The following ARMH1 variants were observed in gnomAD, a reference collection of about 807,000 sequenced individuals.
ARMH1 encodes the protein armadillo-like helical domain containing protein 1.
A neutral mutation model predicts 50.2 loss-of-function variants in ARMH1; 34 were observed. That is an observed-to-expected ratio of 0.68 (90% CI 0.51 to 0.90). ARMH1 has a LOEUF of 0.90. Ranked by LOEUF, ARMH1 falls within the 40% of genes least tolerant of loss-of-function variation. The pLI is 0.00. For synonymous variants in ARMH1, 221 were observed against 224.2 expected (o/e 0.99, Z 0.13); for missense variants, 538 against 553.9 (o/e 0.97, Z 0.29).
Position 44,724,191 on chromosome 1 carries a change from T to C in ARMH1, c.794T>C (p.Leu265Pro). ...RQALLKGLVALLIPSVKEISK... is the reference protein window; with the variant it reads ...RQALLKGLVAPLIPSVKEISK... ...GCGCTGCTCAAGGGCCTCGTGGCGCTGCTGATACCGTCGGTCAAGGAGATC... is the reference window on the plus strand; with the variant it reads ...GCGCTGCTCAAGGGCCTCGTGGCGCCGCTGATACCGTCGGTCAAGGAGATC... Residue 265 changes from leucine (L) to proline (P), a missense_variant, in exon 7 of 12, where the codon CTG (leucine) becomes CCG (proline). Leu to Pro is a moderately conservative substitution (Grantham distance 98). Transcript: ENST00000535358. The surrounding 1 kb of genome is among the most constrained non-coding windows in gnomAD (Gnocchi z 6.4). 1 of 1,551,740 alleles carries C rather than the reference T, an allele frequency of 6.4e-7. No individual in the cohort carries two copies. The highest frequency in any genetic ancestry group is 1.2e-5 in the South Asian group (1 of 84,064).
Position 44,724,585 on chromosome 1 carries a change from C to G in ARMH1, c.967C>G (p.Leu323Val). 1 of 1,518,634 alleles carries G rather than the reference C, an allele frequency of 6.6e-7. No individual in the cohort carries two copies. 94.1% of individuals were successfully genotyped at this position (1,518,634 alleles called of 1,614,324 possible). A position where few individuals can be genotyped will look rare whatever the true frequency, so the allele number is the denominator to read the frequency against. Residue 323 changes from leucine to valine, a missense_variant, in exon 9 of 12, where the codon CTG (leucine) becomes GTG (valine). Leu to Val is a conservative substitution (Grantham distance 32). Coordinates refer to ENST00000535358, the MANE Select transcript of ARMH1 (RefSeq NM_001145636.2). This position sits in a 1 kb window ranked among gnomAD's most constrained non-coding sequence, Gnocchi z 6.4. Reference sequence around the variant, plus strand: ...GAGCATCGCCGAGGAGCTGCTGTACCTGCGCGTGGTGCGTGGCCTAATGGC... The same window carrying G: ...GAGCATCGCCGAGGAGCTGCTGTACGTGCGCGTGGTGCGTGGCCTAATGGC... ...DMSIAEELLY[L>V]RVVRGLMAAM...
At chr1:44,721,493 T>C (rs1253133154) in intron 6 of ARMH1, among the ~76,000 whole-genome samples, 1 of 151,574 alleles carries the variant, frequency 6.6e-6, no homozygotes, top group Non-Finnish European at 1.5e-5. Flanking sequence ...ATACAGACTG[T>C]CAAAAACTAG....
intron 1 of ARMH1, among the ~76,000 whole-genome samples, chr1:44,678,845 T>C (rs1363542237): frequency 1.3e-5 from 2 of 152,194 alleles, no homozygotes; most frequent in African/African-American, 4.8e-5. Context: ...CAAGACCTAT[T>C]GACCTCTTGA....
chr1:44,697,019 G>A (rs952324696), intron 2 of ARMH1, 83 bp from the exon 3 acceptor site: 17 of 1,032,838 alleles, frequency 1.6e-5, no homozygotes, highest in African/African-American at 4.8e-5. Context: ...CCCTGGGCCC[G>A]GGGTGGTACC....
intron 6 of ARMH1, among the ~76,000 whole-genome samples, chr1:44,708,294 G>A (rs1573420306): frequency 6.6e-6 from 1 of 152,350 alleles, no homozygotes; most frequent in East Asian, 1.9e-4. Flanking sequence ...CTAGGATGCT[G>A]GCAGCAGTCA....
chr1:44,685,784 C>T (rs1264929617), intron 1 of ARMH1, among the ~76,000 whole-genome samples: 3 of 152,136 alleles, frequency 2.0e-5, no homozygotes, highest in South Asian at 2.1e-4. Flanking sequence ...CGCGCCACCA[C>T]GCCCAGCTAA....
At chr1:44,723,549 T>A (rs1573522744) in intron 6 of ARMH1, among the ~76,000 whole-genome samples, 1 of 152,276 alleles carries the variant, frequency 6.6e-6, no homozygotes, top group East Asian at 1.9e-4. Context: ...GTGGTTTACC[T>A]CTCTGTGTCT....
In ARMH1 at chr1:44,716,101, G is replaced by T. The variant is rs1323584480; in HGVS notation, c.725-8021G>T. On this transcript the variant is annotated intron_variant, in intron 6 of 11. Coordinates refer to ENST00000535358, the MANE Select transcript of ARMH1 (RefSeq NM_001145636.2). ...CTATGGCTCTAGAAACTGCTTCTCG[G>T]TCTTTTATACATTCCCATTCCTCTA... 2.6e-5 allele frequency among the ~76,000 whole-genome samples: 4 copies of T among 151,798 alleles called. No homozygotes were observed. The South Asian group carries it at 8.3e-4, about 31-fold the overall frequency.
At chr1:44,721,588 G>A (rs959712620) in intron 6 of ARMH1, among the ~76,000 whole-genome samples, 2 of 152,026 alleles carry the variant, frequency 1.3e-5, no homozygotes, top group African/African-American at 2.4e-5. Flanking sequence ...AGTAGGCCGG[G>A]CACTACAAAA....
rs868752998 is a variant in ARMH1, at chr1:44,725,273, C to T, written c.1211-18C>T. 16 of 1,551,670 alleles carry T rather than the reference C, an allele frequency of 1.0e-5. No homozygotes were observed. The Middle Eastern group carries it at 6.7e-4, about 65-fold the overall frequency. The stretch of plus-strand genomic sequence containing the variant: ...GGCGCCGCCAGCACAGCCTCACGCC[C>T]GCCTTTCCTGCCTGCAGCCCTGTGC... On this transcript the variant is annotated intron_variant, in intron 11 of 11. Coordinates refer to ENST00000535358, the MANE Select transcript of ARMH1 (RefSeq NM_001145636.2).
chr1:44,720,123 T>C (rs1238996728), intron 6 of ARMH1, among the ~76,000 whole-genome samples: 1 of 145,576 alleles, frequency 6.9e-6, no homozygotes, highest in Non-Finnish European at 1.5e-5. Context: ...CTTGAATCCA[T>C]GAGGCAGAGG....
At chr1:44,697,318 C>T (rs985800186) in intron 3 of ARMH1, 148 bp downstream of exon 3, 3 of 647,486 alleles carry the variant, frequency 4.6e-6, no homozygotes, top group South Asian at 1.9e-5. Flanking sequence ...TAATGTCCAC[C>T]GGGCTCCTGC....
intron 6 of ARMH1, among the ~76,000 whole-genome samples, chr1:44,720,567 G>C (rs949743794): frequency 6.6e-6 from 1 of 152,226 alleles, no homozygotes; most frequent in South Asian, 2.1e-4. Flanking sequence ...AGACCATTTA[G>C]TGGATAGTAC....
chr1:44,711,597 G>C (rs1646617630), intron 6 of ARMH1, among the ~76,000 whole-genome samples: 1 of 152,054 alleles, frequency 6.6e-6, no homozygotes. Flanking sequence ...CCATTCTGTA[G>C]GTTCTTTTCA....
chr1:44,685,132 GC>G (rs1344350042), intron 1 of ARMH1, among the ~76,000 whole-genome samples: 2 of 152,028 alleles, frequency 1.3e-5, no homozygotes, highest in East Asian at 3.9e-4. Context: ...GATTTAAAGA[GC>G]CCACCAAGGG....
At chr1:44,697,563 C>T (rs1326081150) in intron 3 of ARMH1, among the ~76,000 whole-genome samples, 1 of 152,184 alleles carries the variant, frequency 6.6e-6, no homozygotes, top group Non-Finnish European at 1.5e-5. Context: ...CCATTTCTGT[C>T]TCTTCTCCTC....
chr1:44,722,903 CAAAAAAA>C (rs71036693), intron 6 of ARMH1, among the ~76,000 whole-genome samples: 61 of 85,970 alleles, frequency 7.1e-4, no homozygotes, highest in South Asian at 5.1e-3. Context: ...ACTAAAAATA[CAAAAAAA>C]AAAAAAAAAA....
intron 1 of ARMH1, among the ~76,000 whole-genome samples, chr1:44,678,142 C>G (rs778039919): frequency 1.3e-5 from 2 of 151,872 alleles, no homozygotes; most frequent in African/African-American, 4.8e-5. Context: ...GGAAATGGGT[C>G]GAGGAAGATG....
At chr1:44,721,823 A>C (rs752765161) in intron 6 of ARMH1, 2 of 152,166 alleles carry the variant, frequency 1.3e-5, no homozygotes, top group Non-Finnish European at 2.9e-5. Flanking sequence ...ATTTAACCAT[A>C]AACTCATAGT....
Sources: gnomAD v4.1 joint callset for allele counts (sites outside exome capture counted in the v4.1 genomes callset) on GRCh38, gnomAD v4.1.1 for gene constraint, Gnocchi (gnomAD v3.1) non-coding constraint, MANE v1.5 for transcripts, NCBI Gene and HGNC (gene_info 2026-07-23, HGNC 2026-07-21) for gene names.